The following NCOA6 variants were observed in gnomAD, a reference collection of about 807,000 sequenced individuals.
NCOA6 encodes NRC RAP250.
A neutral mutation model predicts 171.4 loss-of-function variants in NCOA6; 49 were observed. The observed-to-expected ratio is 0.29, with a 90% confidence interval of 0.23 to 0.36. The LOEUF (loss-of-function observed/expected upper bound fraction) is 0.36, where lower values mean the gene tolerates loss of function less well. NCOA6 is among the 10% of genes least tolerant of loss of function. NCOA6 has a pLI of 1.00. For missense variants in NCOA6, 2,248 were observed against 2,554.5 expected (o/e 0.88, Z 2.59); for synonymous variants, 910 against 927.5 (o/e 0.98, Z 0.34).
intron 13 of NCOA6, 52 bp downstream of exon 13, chr20:34,732,507 C>G: frequency 6.4e-7 from 1 of 1,565,702 alleles, no homozygotes; most frequent in South Asian, 1.1e-5. Flanking sequence ...TGATACCTTT[C>G]AAAGAGGCTT....
At chr20:34,778,516 C>T (rs2077411932) in intron 3 of NCOA6, among the ~76,000 whole-genome samples, 1 of 151,524 alleles carries the variant, frequency 6.6e-6, no homozygotes, top group Non-Finnish European at 1.5e-5. Flanking sequence ...CAACCTCTGC[C>T]TCCCGGCTTC....
intron 8 of NCOA6, among the ~76,000 whole-genome samples, chr20:34,751,917 GTGCAACCTCGGCTCAT>G (rs1358407285): frequency 6.6e-6 from 1 of 151,990 alleles, no homozygotes; most frequent in Non-Finnish European, 1.5e-5. Context: ...TCTGGCTCTG[GTGCAACCTCGGCTCAT>G]TGCAACCTCC....
chr20:34,715,954 C>T (rs544592359), intron 14 of NCOA6, among the ~76,000 whole-genome samples: 2 of 152,094 alleles, frequency 1.3e-5, no homozygotes, highest in Non-Finnish European at 2.9e-5. Flanking sequence ...TGGTGGCTCA[C>T]GCCTGTAATC....
At chr20:34,762,140 A>C (rs2145879695) in intron 5 of NCOA6, among the ~76,000 whole-genome samples, 1 of 152,298 alleles carries the variant, frequency 6.6e-6, no homozygotes, top group East Asian at 1.9e-4. Context: ...TAAATACGTA[A>C]GAGTTTAGCA....
rs370673061 is a variant in NCOA6, at chr20:34,715,281, G to C, written c.*41C>G. 5.6e-6 allele frequency: 9 copies of C among 1,613,242 alleles called. No individual in the cohort carries two copies. In the African/African-American group the frequency reaches 1.2e-4, roughly 22 times the overall value. ...CAGCTCAAAATTGCTCTTTGTAAAA[G>C]TCACACACATTTCCAAGTATCAAGT... On this transcript the variant is annotated 3_prime_UTR_variant, in exon 15 of 15. Transcript: ENST00000359003.
rs768973075 is a variant in NCOA6, at chr20:34,757,504, G to A, written c.1244C>T (p.Pro415Leu). The A allele has an allele frequency of 6.2e-7, 1 of 1,613,900 alleles. No individual in the cohort carries two copies. ...KSLQGGPSRV[P>L]TPLQQPHLTN... ...GAGGTGGGGCTGCTGCAAGGGAGTT[G>A]GGACCCTAGAGGGCCCTCCCTGCAA... is the stretch of plus-strand genomic sequence containing the variant. Residue 415 changes from proline (P) to leucine (L), a missense_variant, in exon 7 of 15, where the codon CCA (proline) becomes CTA (leucine). By Grantham distance (98) the Pro-to-Leu change is moderately conservative. This residue lies in a region of NCOA6 where 987 missense variants were observed against 1,104.7 expected (regional missense o/e 0.89). Transcript: ENST00000359003.
At chr20:34,823,622 G>C (rs4911162) in intron 1 of NCOA6, among the ~76,000 whole-genome samples, 84,624 of 151,846 alleles carry the variant, frequency 0.56, 24,083 homozygotes, top group South Asian at 0.76. Context: ...GACTCTGGGT[G>C]TCTACAATTT....
intron 14 of NCOA6, among the ~76,000 whole-genome samples, chr20:34,717,478 G>A (rs1478148492): frequency 6.6e-6 from 1 of 152,016 alleles, no homozygotes; most frequent in African/African-American, 2.4e-5. Flanking sequence ...AAAAAGAAGT[G>A]CGGTCTAGAT....
intron 1 of NCOA6, among the ~76,000 whole-genome samples, chr20:34,803,406 G>A (rs1400525878): frequency 6.6e-6 from 1 of 151,172 alleles, no homozygotes; most frequent in Non-Finnish European, 1.5e-5. Context: ...GGCAGAGGTT[G>A]CAGTGAGCCA....
chr20:34,754,746 C>T lies in NCOA6; in HGVS notation c.1651G>A (p.Ala551Thr), dbSNP rs770674512. 6.2e-7 allele frequency: 1 copy of T among 1,614,196 alleles called. No homozygotes were observed. The highest frequency in any genetic ancestry group is 1.1e-5 in the South Asian group (1 of 91,084). Reference sequence around the variant, plus strand: ...CCTGCATGCTGGACATTTTGATTTGCTTGCAGCTGAGGGGCTCCTGAATTC... The same window carrying T: ...CCTGCATGCTGGACATTTTGATTTGTTTGCAGCTGAGGGGCTCCTGAATTC... ...PGNSGAPQLQ[A>T]NQNVQHAGGQ... The change falls in exon 8 of 15, where the codon GCA becomes ACA. Residue 551 changes from alanine (A) to threonine (T), a missense_variant. Ala to Thr is a moderately conservative substitution (Grantham distance 58). Transcript: ENST00000359003.
intron 9 of NCOA6, among the ~76,000 whole-genome samples, chr20:34,747,229 T>C (rs1427978824): frequency 6.6e-6 from 1 of 152,244 alleles, no homozygotes; most frequent in African/African-American, 2.4e-5. Context: ...TAAGACCTGA[T>C]CATAGGACTA....
chr20:34,736,661 C>G (rs1363266066), intron 12 of NCOA6, 29 bp downstream of exon 12: 1 of 1,581,908 alleles, frequency 6.3e-7, no homozygotes. Flanking sequence ...CCATCCCACT[C>G]CAAGAAGTTT....
intron 1 of NCOA6, among the ~76,000 whole-genome samples, chr20:34,803,397 G>A (rs2078321847): frequency 6.6e-6 from 1 of 151,370 alleles, no homozygotes. Context: ...GAACTCAGAG[G>A]CAGAGGTTGC....
chr20:34,728,540 C>T (rs1357967078), intron 13 of NCOA6, among the ~76,000 whole-genome samples: 2 of 152,118 alleles, frequency 1.3e-5, no homozygotes, highest in Non-Finnish European at 2.9e-5. Context: ...TAAACGTAAG[C>T]CCCACACAAC....
Position 34,743,230 on chromosome 20 carries a change from A to C in NCOA6, c.3026T>G (p.Leu1009Arg). 1 of 1,614,008 alleles carries C rather than the reference A, an allele frequency of 6.2e-7. No homozygotes were observed. The highest frequency in any genetic ancestry group is 2.2e-5 in the East Asian group (1 of 44,876). Reference sequence around the variant, plus strand: ...AGGTGGTGGCTGCTGCTGCTGAGGCAGTTGTGGCTGTGGCTGCTGCTGTGG... The same window carrying C: ...AGGTGGTGGCTGCTGCTGCTGAGGCCGTTGTGGCTGTGGCTGCTGCTGTGG... ...QPPQQQPQPQLPQQQQPPPPS... is the reference protein window; with the variant it reads ...QPPQQQPQPQRPQQQQPPPPS... Residue 1009 changes from leucine (L) to arginine (R), a missense_variant, in exon 11 of 15, where the codon CTG becomes CGG. Transcript: ENST00000359003.
chr20:34,802,243 G>A (rs1263411821), intron 1 of NCOA6, among the ~76,000 whole-genome samples: 1 of 152,256 alleles, frequency 6.6e-6, no homozygotes, highest in Non-Finnish European at 1.5e-5. Flanking sequence ...AAGGCAGGCA[G>A]ATCACCTGAG....
In NCOA6 at chr20:34,801,269, A is replaced by G. The variant is rs1341779278; in HGVS notation, c.-163-8706T>C. Among the ~76,000 whole-genome samples, 3 of 152,162 alleles carry G rather than the reference A, an allele frequency of 2.0e-5. No homozygotes were observed. In the East Asian group the frequency reaches 5.8e-4, roughly 29 times the overall value. ...CATTAAAAAAGTAGAAAAATTTCAA[A>G]TAAACAACCTAACAATGTATCTTAA... is the stretch of plus-strand genomic sequence containing the variant. On this transcript the variant is annotated intron_variant, in intron 1 of 14. Coordinates refer to ENST00000359003, the MANE Select transcript of NCOA6 (RefSeq NM_014071.5).
rs369126058 is a variant in NCOA6, at chr20:34,742,066, T to C, written c.4190A>G (p.Asn1397Ser). The C allele has an allele frequency of 1.2e-6, 2 of 1,614,180 alleles. No homozygotes were observed. ...PGSFPNNSGL[N>S]PQNSTVSVAA... is the part of the protein sequence containing the mutation. Reference sequence around the variant, plus strand: ...CACAGACACAGTAGAATTCTGAGGATTCAGCCCACTGTTGTTAGGAAAGCT... The same window carrying C: ...CACAGACACAGTAGAATTCTGAGGACTCAGCCCACTGTTGTTAGGAAAGCT... Residue 1397 changes from asparagine to serine, a missense_variant, in exon 11 of 15, where the codon AAT becomes AGT. Asn to Ser is a conservative substitution (Grantham distance 46). Transcript: ENST00000359003.
Position 34,740,906 on chromosome 20 carries a change from G to A in NCOA6, c.5350C>T (p.Leu1784Phe). Residue 1784 changes from leucine to phenylalanine, a missense_variant, in exon 11 of 15, where the codon CTT (leucine) becomes TTT (phenylalanine). Transcript: ENST00000359003. The part of the protein sequence containing the change: ...QVNTSADQNT[L>F]PSSQSTTMVS... ...ATTGTGGTTGACTGTGAAGAGGGAA[G>A]AGTGTTCTGATCTGCTGAGGTGTTC... 1 of 1,614,224 alleles carries A rather than the reference G, an allele frequency of 6.2e-7. No homozygotes were observed. Among genetic ancestry groups the A allele is most frequent in the Non-Finnish European group, 8.5e-7 (1 of 1,180,034 alleles).
Sources: allele counts gnomAD v4.1 joint callset (sites outside exome capture counted in the v4.1 genomes callset), GRCh38; gene constraint gnomAD v4.1.1; regional missense constraint gnomAD v4.1.1; transcripts MANE v1.5; gene names NCBI Gene and HGNC (gene_info 2026-07-23, HGNC 2026-07-21).